Variants in DOCK9 observed in about 807,000 individuals in gnomAD.
DOCK9 encodes the protein dedicator of cytokinesis 9, also known as dedicator of cytokinesis protein 9.
Under a neutral mutation model 263.3 loss-of-function variants are expected in DOCK9, and 89 were observed. The observed-to-expected ratio is 0.34, with a 90% CI of 0.28 to 0.40. The LOEUF (loss-of-function observed/expected upper bound fraction) is 0.40, where lower values mean the gene tolerates loss of function less well. Among genes scored for constraint, DOCK9 ranks in the 10% least tolerant of loss-of-function variants. The pLI is 1.00. For missense variants in DOCK9, 2,140 were observed against 2,603.4 expected (o/e 0.82, Z 3.87); for synonymous variants, 976 against 973.1 (o/e 1.00, Z -0.06).
intron 1 of DOCK9, among the ~76,000 whole-genome samples, chr13:99,083,961 A>G (rs2142504638): frequency 6.6e-6 from 1 of 152,342 alleles, no homozygotes; most frequent in East Asian, 1.9e-4. Flanking sequence ...TGTTGTGGGC[A>G]TTGTATTAGT....
chr13:98,981,295 G>T (rs1474144989), upstream of DOCK9, among the ~76,000 whole-genome samples: 2 of 152,120 alleles, frequency 1.3e-5, no homozygotes, highest in South Asian at 2.1e-4. Flanking sequence ...GGGCTCAAGC[G>T]ATCCTCCCAC....
Position 98,808,688 on chromosome 13 carries a change from A to G in DOCK9, c.5367+664T>C, listed in dbSNP as rs1218551229. The G allele has an allele frequency of 4.5e-6, 7 of 1,552,162 alleles. No homozygotes were observed. In the East Asian group the frequency reaches 1.6e-4, roughly 35 times the overall value. On this transcript the variant is annotated intron_variant, in intron 47 of 52. Transcript: ENST00000682017. ...TAAACTGGTATTGCTATAAAGTTATAAAAGACAATAACAGAATAAATTGAA... is the reference window on the plus strand; with the variant it reads ...TAAACTGGTATTGCTATAAAGTTATGAAAGACAATAACAGAATAAATTGAA...
intron 4 of DOCK9, among the ~76,000 whole-genome samples, chr13:98,924,688 C>T (rs2052635815): frequency 6.6e-6 from 1 of 152,108 alleles, no homozygotes; most frequent in Non-Finnish European, 1.5e-5. Context: ...TGGATTAGTA[C>T]CCAAGAGAAT....
At chr13:98,892,841 G>C (rs2046829105) in intron 15 of DOCK9, among the ~76,000 whole-genome samples, 1 of 152,138 alleles carries the variant, frequency 6.6e-6, no homozygotes, top group Non-Finnish European at 1.5e-5. Flanking sequence ...TCACCTTAAT[G>C]CCTTTTGCAT....
chr13:99,035,197 T>C (rs1887747568), intron 1 of DOCK9, among the ~76,000 whole-genome samples: 1 of 152,106 alleles, frequency 6.6e-6, no homozygotes, highest in Admixed American at 6.5e-5. Context: ...GTGTCACAAC[T>C]CTCAATCTCT....
chr13:98,914,246 G>T, intron 9 of DOCK9, 82 bp downstream of exon 9: 1 of 1,206,454 alleles, frequency 8.3e-7, no homozygotes, highest in African/African-American at 1.5e-5. Context: ...GATTTCAACA[G>T]ATTCCATTCT....
At position 98,879,989 on chromosome 13, in the gene DOCK9, G is replaced by T; in HGVS notation, c.2872-20C>A. The stretch of plus-strand genomic sequence containing the variant: ...TGAGTACTAAAAGAAAAAAGAACAG[G>T]ACCCAGTAAGAACACAACAAACTGG... On this transcript the variant is annotated intron_variant, in intron 26 of 52. Transcript: ENST00000682017. 6.3e-7 allele frequency: 1 copy of T among 1,576,572 alleles called. No homozygotes were observed. The highest frequency in any genetic ancestry group is 1.2e-5 in the South Asian group (1 of 85,674).
rs2048302506 is a variant in DOCK9, at chr13:98,901,696, T to A, written c.1503+82A>T. 3.4e-6 allele frequency: 5 copies of A among 1,457,776 alleles called. No homozygotes were observed. In the Admixed American group the frequency reaches 1.2e-4, roughly 34 times the overall value. 90.3% of individuals were successfully genotyped at this position (1,457,776 alleles called of 1,614,324 possible). A position where few individuals can be genotyped will look rare whatever the true frequency, so the allele number is the denominator to read the frequency against. On this transcript the variant is annotated intron_variant, in intron 13 of 52. Transcript: ENST00000682017. ...AGTATAAATATGGCTTATGTTTGATTTCATTAAGGATTTATAGTATCACAT... is the reference window on the plus strand; with the variant it reads ...AGTATAAATATGGCTTATGTTTGATATCATTAAGGATTTATAGTATCACAT...
At position 98,898,187 on chromosome 13, in the gene DOCK9, C is replaced by T; in HGVS notation, c.1578G>A (p.Trp526Ter). The stretch of plus-strand genomic sequence containing the variant: ...TAAAAGGTGTTCCTTACCTTGCTGC[C>T]CAAGCAAATGGCATTCTATACTGTC... ...RLGQYRMPFA[W>*]AARTLFKDAS... The change falls in exon 14 of 53, where the codon TGG (tryptophan) becomes TGA (stop). Residue 526 changes from tryptophan to a stop codon, truncating the protein, a stop_gained. Transcript: ENST00000682017. LOFTEE classifies it high-confidence loss of function. 1 of 1,610,580 alleles carries T rather than the reference C, an allele frequency of 6.2e-7. No homozygotes were observed. The highest frequency in any genetic ancestry group is 8.5e-7 in the Non-Finnish European group (1 of 1,178,328).
chr13:98,822,087 G>T (rs2092306801), intron 45 of DOCK9, among the ~76,000 whole-genome samples: 1 of 152,174 alleles, frequency 6.6e-6, no homozygotes, highest in South Asian at 2.1e-4. Flanking sequence ...GATGTGCAAG[G>T]CTTGCTCAGG....
intron 1 of DOCK9, among the ~76,000 whole-genome samples, chr13:99,025,672 C>T (rs1416945468): frequency 6.6e-6 from 1 of 152,210 alleles, no homozygotes; most frequent in Non-Finnish European, 1.5e-5. Context: ...ACCCAGGTTA[C>T]CGTATGATCC....
rs2093938593 is a variant in DOCK9, at chr13:98,863,629, A to C, written c.3287-81T>G. 2.8e-6 allele frequency: 4 copies of C among 1,427,602 alleles called. No homozygotes were observed. In the South Asian group the frequency reaches 4.2e-5, roughly 15 times the overall value. 88.4% of individuals were successfully genotyped at this position (1,427,602 alleles called of 1,614,324 possible). A position where few individuals can be genotyped will look rare whatever the true frequency, so the allele number is the denominator to read the frequency against. ...AAACAAACAAACAAACAAACAAAAA[A>C]AACTAAGACCCATCCTCTGCATTCA... On this transcript the variant is annotated intron_variant, in intron 30 of 52. Coordinates refer to ENST00000682017, the MANE Select transcript of DOCK9 (RefSeq NM_001366683.2).
At chr13:99,014,686 C>T (rs1437719147) in intron 1 of DOCK9, among the ~76,000 whole-genome samples, 1 of 152,222 alleles carries the variant, frequency 6.6e-6, no homozygotes, top group Non-Finnish European at 1.5e-5. Context: ...TGTCCCCACT[C>T]ATTTTGACAA....
intron 48 of DOCK9, among the ~76,000 whole-genome samples, chr13:98,805,956 C>T (rs2140125009): frequency 6.6e-6 from 1 of 152,272 alleles, no homozygotes; most frequent in Middle Eastern, 3.4e-3. Flanking sequence ...CACAGGGTTT[C>T]TCCATGTTGG....
chr13:98,968,603 GA>G (rs1253405313), intron 1 of DOCK9, among the ~76,000 whole-genome samples: 8 of 152,208 alleles, frequency 5.3e-5, no homozygotes, highest in Admixed American at 5.2e-4. Flanking sequence ...CTGGGTGACA[GA>G]GCAAGACTCT....
chr13:99,002,461 C>T (rs910105562), intron 1 of DOCK9, among the ~76,000 whole-genome samples: 3 of 152,216 alleles, frequency 2.0e-5, no homozygotes, highest in South Asian at 2.1e-4. Flanking sequence ...CCCACATCCA[C>T]ATTCTAACCT....
chr13:98,964,015 G>A (rs2058948479), intron 1 of DOCK9, among the ~76,000 whole-genome samples: 1 of 152,212 alleles, frequency 6.6e-6, no homozygotes, highest in Admixed American at 6.5e-5. Context: ...TCCCTTCCTT[G>A]TGTACACATG....
chr13:98,921,813 C>G (rs760733450), intron 6 of DOCK9, among the ~76,000 whole-genome samples: 1 of 152,198 alleles, frequency 6.6e-6, no homozygotes. Context: ...TCAGTGTCTG[C>G]ACCTTCACAC....
At chr13:98,989,308 T>TTAA (rs1434433015) in intron 1 of DOCK9, among the ~76,000 whole-genome samples, 1 of 136,064 alleles carries the variant, frequency 7.3e-6, no homozygotes, top group Non-Finnish European at 1.6e-5. Context: ...AGCTTGAAAA[T>TTAA]TAATAATAAT....
Sources: allele counts gnomAD v4.1 joint callset (sites outside exome capture counted in the v4.1 genomes callset), GRCh38; gene constraint gnomAD v4.1.1; transcripts MANE v1.5; gene names NCBI Gene and HGNC (gene_info 2026-07-23, HGNC 2026-07-21).